SLC35E2B: variants seen among roughly 807,000 people sequenced by gnomAD.
The protein encoded by SLC35E2B is solute carrier family 35, member E2B.
A neutral mutation model predicts 32.4 loss-of-function variants in SLC35E2B; 18 were observed. That is an observed-to-expected ratio of 0.56 (90% CI 0.38 to 0.82). SLC35E2B has a LOEUF of 0.82. SLC35E2B is among the 40% of genes least tolerant of loss of function. SLC35E2B has a pLI of 0.00. For synonymous variants in SLC35E2B, 132 were observed against 209.1 expected, an observed-to-expected ratio of 0.63 and a Z score of 3.18; for missense variants, 263 against 469.5, an observed-to-expected ratio of 0.56 and a Z score of 4.06.
At position 1,670,098 on chromosome 1, in the gene SLC35E2B, G is replaced by A. The variant is rs373497506; in HGVS notation, c.761C>T (p.Ser254Leu). Residue 254 changes from serine to leucine, a missense_variant and splice_region_variant, in exon 7 of 10, where the codon TCG becomes TTG. This residue lies in a region of SLC35E2B where 129 missense variants were observed against 164.5 expected (regional missense o/e 0.78). Transcript: ENST00000617444. ...GATTTCACTGACGAATAATACTTAC[G>A]AGAACCTGTATTTGTCCCCGCTGAG... is the stretch of plus-strand genomic sequence containing the variant. ...KLLSGDKYRF[S>L]APELQFYTSA... 7.7e-6 allele frequency: 12 copies of A among 1,550,676 alleles called. No homozygotes were observed. The highest frequency in any genetic ancestry group is 1.2e-5 in the South Asian group (1 of 84,006).
intron 7 of SLC35E2B, 95 bp from the exon 8 acceptor site, chr1:1,669,831 C>G: frequency 7.7e-7 from 1 of 1,292,724 alleles, no homozygotes; most frequent in Non-Finnish European, 1.1e-6. Flanking sequence ...CACCCCAGCC[C>G]AGAAGACGTT....
intron 2 of SLC35E2B, among the ~76,000 whole-genome samples, chr1:1,685,021 C>T (rs567545047): frequency 9.4e-5 from 14 of 149,352 alleles, no homozygotes; most frequent in African/African-American, 3.2e-4. Context: ...GCAGGAGAAT[C>T]ACTTGAACCT....
chr1:1,675,572 C>G lies in SLC35E2B; in HGVS notation c.477G>C (p.Leu159Phe). The change falls in exon 5 of 10, where the codon TTG (leucine) becomes TTC (phenylalanine). Residue 159 changes from leucine (L) to phenylalanine (F), a missense_variant. Around this residue, in one of 7 missense-constraint regions of SLC35E2B, gnomAD observed 129 missense variants for 164.5 expected, o/e 0.78. Transcript: ENST00000617444. The stretch of plus-strand genomic sequence containing the variant: ...CCACATTTTTCAGGCTGACCAAACC[C>G]AAAACCACAGTTGCAAACCTAAAAA... Reference protein sequence around the residue: ...VGLMRFATVVLGLVSLKNVAV... With the variant: ...VGLMRFATVVFGLVSLKNVAV... 6.3e-7 allele frequency: 1 copy of G among 1,577,824 alleles called. No homozygotes were observed. The highest frequency in any genetic ancestry group is 8.6e-7 in the Non-Finnish European group (1 of 1,164,148).
At chr1:1,683,589 G>A (rs1283083996) in intron 2 of SLC35E2B, among the ~76,000 whole-genome samples, 1 of 151,988 alleles carries the variant, frequency 6.6e-6, no homozygotes, top group African/African-American at 2.4e-5. Context: ...TCATTCACGG[G>A]TTTTTACAGC....
At chr1:1,669,824 C>T (rs2101095378) in intron 7 of SLC35E2B, 88 bp from the exon 8 acceptor site, 4 of 1,358,370 alleles carry the variant, frequency 2.9e-6, no homozygotes, top group Non-Finnish European at 2.1e-6. Flanking sequence ...ACCCAGGCAC[C>T]CCAGCCCAGA....
At chr1:1,671,732 T>A in intron 5 of SLC35E2B, 103 bp from the exon 6 acceptor site, 1 of 1,180,624 alleles carries the variant, frequency 8.5e-7, no homozygotes. Flanking sequence ...AACGGATGCT[T>A]CCTTCAATTC....
chr1:1,684,181 C>G (rs1184296487), intron 2 of SLC35E2B, among the ~76,000 whole-genome samples: 1 of 152,182 alleles, frequency 6.6e-6, no homozygotes, highest in East Asian at 1.9e-4. Flanking sequence ...AGACAGCCCC[C>G]AGCCCGTCCT....
chr1:1,686,085 A>T (rs1216057182), intron 2 of SLC35E2B, among the ~76,000 whole-genome samples: 1 of 152,048 alleles, frequency 6.6e-6, no homozygotes, highest in Admixed American at 6.6e-5. Context: ...GCTCACCACA[A>T]CCTTCGCCTC....
chr1:1,689,983 T>A (rs1463734061), intron 2 of SLC35E2B, among the ~76,000 whole-genome samples: 1 of 115,488 alleles, frequency 8.7e-6, no homozygotes, highest in Non-Finnish European at 1.7e-5. Flanking sequence ...TGAGACCCTG[T>A]CTCAAAAAAA....
chr1:1,669,303 G>A (rs1183404493), intron 8 of SLC35E2B, among the ~76,000 whole-genome samples: 3 of 151,808 alleles, frequency 2.0e-5, no homozygotes, highest in Admixed American at 1.3e-4. Flanking sequence ...ACTTTGCAGT[G>A]AGCAGAGATC....
At chr1:1,684,037 G>A (rs1372266432) in intron 2 of SLC35E2B, among the ~76,000 whole-genome samples, 2 of 152,168 alleles carry the variant, frequency 1.3e-5, no homozygotes, top group Admixed American at 6.5e-5. Context: ...GAAGGCCGAG[G>A]AGGGAGGATC....
At chr1:1,682,663 G>C (rs746951660) in intron 2 of SLC35E2B, among the ~76,000 whole-genome samples, 3 of 152,128 alleles carry the variant, frequency 2.0e-5, no homozygotes, top group Non-Finnish European at 4.4e-5. Flanking sequence ...GGGCCCCAGG[G>C]GAAAGCAACA....
chr1:1,689,419 C>T (rs1643993228), intron 2 of SLC35E2B, among the ~76,000 whole-genome samples: 1 of 151,640 alleles, frequency 6.6e-6, no homozygotes, highest in South Asian at 2.1e-4. Flanking sequence ...CAATAGCCCT[C>T]TGGGGAAGGT....
Position 1,692,530 on chromosome 1 carries a change from C to T in SLC35E2B, c.-647G>A. ...AACAAAGGGACGCTGGCGGGCGGGGCCTGAGAGGCGCGCGGTGGAGGGGCC... is the reference window on the plus strand; with the variant it reads ...AACAAAGGGACGCTGGCGGGCGGGGTCTGAGAGGCGCGCGGTGGAGGGGCC... On this transcript the variant is annotated 5_prime_UTR_variant, in exon 1 of 10. Coordinates refer to ENST00000617444, the MANE Select transcript of SLC35E2B (RefSeq NM_001290264.2). The T allele has an allele frequency of 1.0e-6, 1 of 985,778 alleles. No individual in the cohort carries two copies. The highest frequency in any genetic ancestry group is 4.7e-5 in the South Asian group (1 of 21,366). The allele number at this position is 985,778 out of a possible 1,614,324, so 61.1% of individuals were successfully genotyped here.
At chr1:1,671,724 CG>C in intron 5 of SLC35E2B, 95 bp from the exon 6 acceptor site, 1 of 1,246,452 alleles carries the variant, frequency 8.0e-7, no homozygotes, top group South Asian at 1.8e-5. Context: ...ATGAAAGGAA[CG>C]GATGCTTCCT....
chr1:1,669,664 C>T lies in SLC35E2B; in HGVS notation c.834G>A (p.Thr278=), dbSNP rs1042681573. The change falls in exon 8 of 10, where the codon ACG becomes ACA. Residue 278 remains threonine (T), a splice_region_variant and synonymous_variant. Coordinates refer to ENST00000617444, the MANE Select transcript of SLC35E2B (RefSeq NM_001290264.2). ...AMLVPARVFF[T]DVPVIGRSGK... is the part of the protein sequence containing the mutation. Reference sequence around the variant, plus strand: ...CGGGACGCCTGTGTCTGAAACCCACCGTAAAGAAAACCCGGGCCGGGACGA... The same window carrying T: ...CGGGACGCCTGTGTCTGAAACCCACTGTAAAGAAAACCCGGGCCGGGACGA... The T allele has an allele frequency of 2.6e-6, 4 of 1,524,788 alleles. No individual in the cohort carries two copies. Among genetic ancestry groups the T allele is most frequent in the South Asian group, 2.4e-5 (2 of 83,384 alleles). The allele number at this position is 1,524,788 out of a possible 1,614,324, so 94.5% of individuals were successfully genotyped here. A position where few individuals can be genotyped will look rare whatever the true frequency, so the allele number is the denominator to read the frequency against.
chr1:1,673,190 C>G (rs552608632), intron 5 of SLC35E2B: 3 of 290,942 alleles, frequency 1.0e-5, no homozygotes, highest in Non-Finnish European at 2.1e-5. Context: ...GGCAACACAG[C>G]GAGACCCCAT....
intron 2 of SLC35E2B, among the ~76,000 whole-genome samples, chr1:1,680,319 T>TA (rs1050522571): frequency 1.9e-4 from 29 of 151,718 alleles, no homozygotes; most frequent in Non-Finnish European, 3.8e-4. Flanking sequence ...AAAAAAAAGT[T>TA]AAAAAAAATT....
Position 1,671,467 on chromosome 1 carries a change from C to A in SLC35E2B, c.707+42G>T, listed in dbSNP as rs1166013972. 276 of 1,390,984 alleles carry A rather than the reference C, an allele frequency of 2.0e-4. 2 individuals carry two copies. Among genetic ancestry groups the A allele is most frequent in the Non-Finnish European group, 2.4e-4 (259 of 1,058,096 alleles). The allele number at this position is 1,390,984 out of a possible 1,614,324, so 86.2% of individuals were successfully genotyped here. ...CTGCACACCCAGATGCAGGTGAGCA[C>A]CGGGTCTCGTCCCCCTCACGCCCAC... On this transcript the variant is annotated intron_variant, in intron 6 of 9. Coordinates refer to ENST00000617444, the MANE Select transcript of SLC35E2B (RefSeq NM_001290264.2).
Sources: allele counts gnomAD v4.1 joint callset (sites outside exome capture counted in the v4.1 genomes callset), GRCh38; gene constraint gnomAD v4.1.1; regional missense constraint gnomAD v4.1.1; transcripts MANE v1.5; gene names NCBI Gene and HGNC (gene_info 2026-07-23, HGNC 2026-07-21).